PAQR5: variants seen among roughly 807,000 people sequenced by gnomAD.
PAQR5 encodes the protein progestin and adipoQ receptor family member 5, also known as membrane progestin receptor gamma.
Under a neutral mutation model 34.5 loss-of-function variants are expected in PAQR5, and 20 were observed. The observed-to-expected ratio is 0.58, with a 90% CI of 0.41 to 0.84. The LOEUF is 0.84. Among genes scored for constraint, PAQR5 ranks in the 40% least tolerant of loss-of-function variants. The pLI is 0.00. For missense variants in PAQR5, 378 were observed against 412.7 expected (o/e 0.92, Z 0.73); for synonymous variants, 131 against 155.6 (o/e 0.84, Z 1.18).
chr15:69,399,926 C>T lies in PAQR5; in HGVS notation c.610-48C>T, dbSNP rs1320319833. 5.7e-6 allele frequency: 9 copies of T among 1,584,268 alleles called. No individual in the cohort carries two copies. The South Asian group carries it at 1.1e-4, about 19-fold the overall frequency. On this transcript the variant is annotated intron_variant, in intron 7 of 8. Coordinates refer to ENST00000395407, the MANE Select transcript of PAQR5 (RefSeq NM_017705.4). ...AGGTGCTGAGAAGGAAGAGGGCCTG[C>T]CTCAGGCCTGTCCTCTCAAGACCTG...
At chr15:69,305,318 G>A (rs575581160) in intron 1 of PAQR5, among the ~76,000 whole-genome samples, 13 of 152,168 alleles carry the variant, frequency 8.5e-5, no homozygotes, top group Admixed American at 7.9e-4. Context: ...CCCTCCCAAC[G>A]GTCATCCTCA....
intron 2 of PAQR5, among the ~76,000 whole-genome samples, chr15:69,338,260 A>C (rs1448685266): frequency 6.6e-6 from 1 of 152,108 alleles, no homozygotes; most frequent in South Asian, 2.1e-4. Flanking sequence ...CCAAAAGAAA[A>C]CTATAGTATA....
At chr15:69,390,614 A>G (rs945220297) in intron 6 of PAQR5, among the ~76,000 whole-genome samples, 1 of 152,072 alleles carries the variant, frequency 6.6e-6, no homozygotes, top group Non-Finnish European at 1.5e-5. Flanking sequence ...GGCCATTACA[A>G]ATACCCCTAA....
intron 3 of PAQR5, among the ~76,000 whole-genome samples, chr15:69,371,042 C>T (rs933679774): frequency 6.6e-6 from 1 of 152,100 alleles, no homozygotes; most frequent in Non-Finnish European, 1.5e-5. Flanking sequence ...TTCTTCATTT[C>T]AGCAAAGTTG....
At chr15:69,315,980 G>A (rs969348205) in intron 1 of PAQR5, among the ~76,000 whole-genome samples, 3 of 152,188 alleles carry the variant, frequency 2.0e-5, no homozygotes, top group South Asian at 4.1e-4. Context: ...GTGAAGCCTC[G>A]GGGAAGGCGG....
intron 6 of PAQR5, among the ~76,000 whole-genome samples, chr15:69,394,250 G>T (rs1411767577): frequency 6.6e-6 from 1 of 152,128 alleles, no homozygotes; most frequent in African/African-American, 2.4e-5. Context: ...AGTTCAGAGG[G>T]GTGGAGCTGA....
At chr15:69,394,976 G>A (rs530929374) in intron 6 of PAQR5, among the ~76,000 whole-genome samples, 2 of 152,334 alleles carry the variant, frequency 1.3e-5, no homozygotes, top group African/African-American at 4.8e-5. Context: ...CACTTTATCA[G>A]GCCGAGCGAA....
intron 2 of PAQR5, among the ~76,000 whole-genome samples, chr15:69,337,811 G>C (rs1201526516): frequency 1.3e-5 from 2 of 151,844 alleles, no homozygotes; most frequent in Non-Finnish European, 1.5e-5. Context: ...TAAAAAAATG[G>C]GGACTGAAAT....
chr15:69,348,126 A>G (rs1352300042), intron 2 of PAQR5, among the ~76,000 whole-genome samples: 1 of 152,142 alleles, frequency 6.6e-6, no homozygotes, highest in Non-Finnish European at 1.5e-5. Context: ...AAGGCCGCCT[A>G]CTGGCTGTGT....
chr15:69,396,916 G>A lies in PAQR5; in HGVS notation c.513-552G>A, dbSNP rs1001407624. 30 of 316,522 alleles carry A rather than the reference G, an allele frequency of 9.5e-5. 1 individual carries two copies. The highest frequency in any genetic ancestry group is 7.3e-4 in the South Asian group (28 of 38,270). The allele number at this position is 316,522 out of a possible 1,614,324, so 19.6% of individuals were successfully genotyped here. On this transcript the variant is annotated intron_variant, in intron 6 of 8. Transcript: ENST00000395407. Reference sequence around the variant, plus strand: ...TGAAGAAGAGAAGGAAAGACTTCACGTTTATTTAGTTTTCCCAAGCCAAGT... The same window carrying A: ...TGAAGAAGAGAAGGAAAGACTTCACATTTATTTAGTTTTCCCAAGCCAAGT...
intron 3 of PAQR5, among the ~76,000 whole-genome samples, chr15:69,371,618 G>T (rs1204644950): frequency 7.2e-5 from 11 of 152,172 alleles, no homozygotes; most frequent in Admixed American, 7.2e-4. Flanking sequence ...ATTTCAGGAT[G>T]ATTTGTACGT....
chr15:69,331,457 G>A (rs144007085), intron 1 of PAQR5, among the ~76,000 whole-genome samples: 1 of 152,320 alleles, frequency 6.6e-6, no homozygotes, highest in East Asian at 1.9e-4. Flanking sequence ...TTAGGGATCT[G>A]ATTTAGAAGG....
At chr15:69,353,620 A>G (rs1309279970) in intron 2 of PAQR5, among the ~76,000 whole-genome samples, 1 of 152,202 alleles carries the variant, frequency 6.6e-6, no homozygotes, top group African/African-American at 2.4e-5. Flanking sequence ...AAGGCTGTAC[A>G]TGCTCTGAAT....
intron 1 of PAQR5, among the ~76,000 whole-genome samples, chr15:69,319,698 T>C (rs1471491201): frequency 1.3e-5 from 2 of 152,108 alleles, no homozygotes; most frequent in Non-Finnish European, 2.9e-5. Context: ...GGTTAGAAAC[T>C]TAGACTCGAT....
intron 1 of PAQR5, among the ~76,000 whole-genome samples, chr15:69,303,422 A>G (rs1471998630): frequency 6.6e-6 from 1 of 152,136 alleles, no homozygotes. Context: ...GGAAGGAGTC[A>G]TCCCCACCAG....
Position 69,403,586 on chromosome 15 carries a change from A to G in PAQR5, c.757A>G (p.Ser253Gly). ...GCCTTTTGTGTTTGCCATAGGTCAC[A>G]GTCACCAGCTGTTTCACGTGTGTGT... ...APGRFDYIGH[S>G]HQLFHVCVIL... Residue 253 changes from serine to glycine, a missense_variant, in exon 9 of 9, where the codon AGT becomes GGT. Physicochemically the swap from Ser to Gly is moderately conservative, Grantham distance 56. Transcript: ENST00000395407. The G allele has an allele frequency of 1.9e-6, 3 of 1,614,056 alleles. No homozygotes were observed. Among genetic ancestry groups the G allele is most frequent in the Non-Finnish European group, 2.5e-6 (3 of 1,179,916 alleles).
chr15:69,388,587 A>G (rs1467681787), intron 5 of PAQR5, among the ~76,000 whole-genome samples: 2 of 152,210 alleles, frequency 1.3e-5, no homozygotes, highest in East Asian at 3.8e-4. Flanking sequence ...ACCCCCTCCC[A>G]GTATGGGGCC....
At position 69,378,498 on chromosome 15, in the gene PAQR5, C is replaced by T. The variant is rs145588003; in HGVS notation, c.52-1385C>T. Among the ~76,000 whole-genome samples, 1,372 of 144,206 alleles carry T rather than the reference C, an allele frequency of 9.5e-3. 6 individuals carry two copies. The highest frequency in any genetic ancestry group is 0.016 in the Non-Finnish European group (1,030 of 66,150). The allele number at this position is 144,206 out of a possible 152,430, so 94.6% of individuals were successfully genotyped here. A position where few individuals can be genotyped will look rare whatever the true frequency, so the allele number is the denominator to read the frequency against. On this transcript the variant is annotated intron_variant, in intron 3 of 8. Transcript: ENST00000395407. ...AGCACAGACTCTGGTATATATTGTA[C>T]ATTTTTTTAACAGAGAACCTCTCTT... is the stretch of plus-strand genomic sequence containing the variant.
intron 1 of PAQR5, among the ~76,000 whole-genome samples, chr15:69,322,099 G>A (rs2054110426): frequency 1.4e-5 from 2 of 139,010 alleles, no homozygotes; most frequent in African/African-American, 2.9e-5. Context: ...CAGCACTTTT[G>A]GAGGCCAAGG....
Sources: gnomAD v4.1 joint callset for allele counts (sites outside exome capture counted in the v4.1 genomes callset) on GRCh38, gnomAD v4.1.1 for gene constraint, MANE v1.5 for transcripts, NCBI Gene and HGNC (gene_info 2026-07-23, HGNC 2026-07-21) for gene names.